CAPN14: variants seen among roughly 807,000 people sequenced by gnomAD.
CAPN14 encodes the protein calpain-14.
Under a neutral mutation model 101.3 loss-of-function variants are expected in CAPN14, and 94 were observed. That is an observed-to-expected ratio of 0.93 (90% CI 0.79 to 1.10). The LOEUF (loss-of-function observed/expected upper bound fraction) is 1.10, where lower values mean the gene tolerates loss of function less well. Ranked by LOEUF, CAPN14 falls within the 50% of genes least tolerant of loss-of-function variation. CAPN14 has a pLI of 0.00. For synonymous variants in CAPN14, 338 were observed against 317.9 expected, an observed-to-expected ratio of 1.06 and a Z score of -0.67; for missense variants, 837 against 828.4, an observed-to-expected ratio of 1.01 and a Z score of -0.13.
intron 5 of CAPN14, 116 bp downstream of exon 5, chr2:31,201,745 TA>T: frequency 7.5e-7 from 1 of 1,329,050 alleles, no homozygotes; most frequent in Non-Finnish European, 1.0e-6. Flanking sequence ...CTATGTTGGC[TA>T]AGACATGCCT....
chr2:31,210,636 A>G (rs1395350071), intron 1 of CAPN14, among the ~76,000 whole-genome samples: 2 of 152,226 alleles, frequency 1.3e-5, no homozygotes, highest in Non-Finnish European at 2.9e-5. Flanking sequence ...AAGGGAAAGA[A>G]AGGAAATATA....
upstream of CAPN14, among the ~76,000 whole-genome samples, chr2:31,219,203 G>A (rs73921598): frequency 3.1e-3 from 474 of 152,246 alleles, 1 homozygote; most frequent in African/African-American, 0.011. Context: ...CAGAGCCACC[G>A]AGACGCATAG....
At chr2:31,187,538 G>C (rs1309359529) in intron 15 of CAPN14, among the ~76,000 whole-genome samples, 1 of 152,086 alleles carries the variant, frequency 6.6e-6, no homozygotes, top group Non-Finnish European at 1.5e-5. Flanking sequence ...GAGCGTCCAA[G>C]AACAGAGAAT....
intron 17 of CAPN14, among the ~76,000 whole-genome samples, chr2:31,179,062 A>C (rs7590940): frequency 1.6e-5 from 1 of 62,212 alleles, no homozygotes; most frequent in Admixed American, 2.1e-4. Flanking sequence ...ATTGAGTTCT[A>C]TATATATATA....
upstream of CAPN14, among the ~76,000 whole-genome samples, chr2:31,218,742 G>A (rs1269069074): frequency 6.6e-6 from 1 of 152,206 alleles, no homozygotes. Context: ...AAACAGCAGA[G>A]ATGGGGCTAA....
At chr2:31,227,629 C>T (rs1054903301) in intron 1 of CAPN14, among the ~76,000 whole-genome samples, 1 of 152,158 alleles carries the variant, frequency 6.6e-6, no homozygotes, top group Admixed American at 6.6e-5. Context: ...GTCATTGGCA[C>T]TTTTCTGCCT....
chr2:31,199,551 T>C lies in CAPN14; in HGVS notation c.727-19A>G. ...TCTTCTCCTGCAGAGACAAGAGAGG[T>C]CCTGATCAGTCTTCTGTTATGTACA... On this transcript the variant is annotated intron_variant, in intron 6 of 21. Transcript: ENST00000403897. 2 of 1,546,146 alleles carry C rather than the reference T, an allele frequency of 1.3e-6. No individual in the cohort carries two copies. The highest frequency in any genetic ancestry group is 1.8e-6 in the Non-Finnish European group (2 of 1,142,462).
upstream of CAPN14, among the ~76,000 whole-genome samples, chr2:31,219,685 G>A (rs148586041): frequency 6.6e-6 from 1 of 152,264 alleles, no homozygotes; most frequent in African/African-American, 2.4e-5. Context: ...GTGGCACAGT[G>A]GAGTATTGGA....
chr2:31,182,494 A>G (rs539233158), intron 16 of CAPN14, among the ~76,000 whole-genome samples: 37 of 130,724 alleles, frequency 2.8e-4, no homozygotes, highest in Middle Eastern at 3.6e-3. Flanking sequence ...AAGTCTCAGC[A>G]TACAAAATCA....
At chr2:31,214,252 C>G (rs548371583) in intron 1 of CAPN14, among the ~76,000 whole-genome samples, 1 of 152,262 alleles carries the variant, frequency 6.6e-6, no homozygotes, top group Admixed American at 6.5e-5. Flanking sequence ...AGCGTGCCCT[C>G]CCCTCCCCTC....
intron 1 of CAPN14, among the ~76,000 whole-genome samples, chr2:31,231,887 T>C (rs568983229): frequency 1.3e-5 from 2 of 152,340 alleles, no homozygotes; most frequent in African/African-American, 2.4e-5. Flanking sequence ...TTGATTCTCA[T>C]GCCTTGTGAG....
intron 7 of CAPN14, 30 bp from the exon 8 acceptor site, chr2:31,197,364 C>T: frequency 6.9e-7 from 1 of 1,457,634 alleles, no homozygotes; most frequent in South Asian, 1.2e-5. Context: ...GTTTAGGTGA[C>T]TGGGCTGAGT....
At chr2:31,192,536 C>T (rs1172296457) in intron 10 of CAPN14, among the ~76,000 whole-genome samples, 2 of 152,192 alleles carry the variant, frequency 1.3e-5, no homozygotes, top group Non-Finnish European at 2.9e-5. Flanking sequence ...TAAGGCCATC[C>T]TGGCCTGCTG....
chr2:31,190,188 C>G (rs933377698), intron 12 of CAPN14, among the ~76,000 whole-genome samples: 8 of 149,626 alleles, frequency 5.3e-5, no homozygotes, highest in African/African-American at 1.5e-4. Flanking sequence ...GTTTCTCCAT[C>G]TCTCCCTATT....
chr2:31,187,804 T>C lies in CAPN14; in HGVS notation c.1541A>G (p.Asp514Gly), dbSNP rs1572399682. ...SGVVFSKEIE[D>G]QNERQDEFFT... The stretch of plus-strand genomic sequence containing the variant: ...GAATTCATCCTGCCTTTCATTTTGG[T>C]CTTCTATCTCCTATAGGAAGAGACA... Residue 514 changes from aspartate to glycine, a missense_variant, in exon 15 of 22, where the codon GAC becomes GGC. Transcript: ENST00000403897. 1.3e-6 allele frequency: 2 copies of C among 1,551,134 alleles called. No homozygotes were observed. The highest frequency in any genetic ancestry group is 8.7e-7 in the Non-Finnish European group (1 of 1,146,254).
At position 31,189,340 on chromosome 2, in the gene CAPN14, A is replaced by G; in HGVS notation, c.1426T>C (p.Cys476Arg). Residue 476 changes from cysteine (C) to arginine (R), a missense_variant, in exon 13 of 22, where the codon TGC (cysteine) becomes CGC (arginine). Coordinates refer to ENST00000403897, the MANE Select transcript of CAPN14 (RefSeq NM_001145122.2). ...LEPGTYLIVPCILEAHQKSEF... is the reference protein window; with the variant it reads ...LEPGTYLIVPRILEAHQKSEF... ...GACTTCTGGTGGGCCTCCAATATGC[A>G]GGGCACGATGAGGTACGTCCCTGGT... 1 of 1,551,764 alleles carries G rather than the reference A, an allele frequency of 6.4e-7. No homozygotes were observed. The highest frequency in any genetic ancestry group is 8.7e-7 in the Non-Finnish European group (1 of 1,147,012).
At chr2:31,193,967 T>C (rs1297615773) in intron 9 of CAPN14, among the ~76,000 whole-genome samples, 1 of 151,996 alleles carries the variant, frequency 6.6e-6, no homozygotes, top group Non-Finnish European at 1.5e-5. Context: ...CAGGATGTCT[T>C]GGTGGCCTTT....
intron 12 of CAPN14, among the ~76,000 whole-genome samples, chr2:31,190,196 AT>A (rs1681110557): frequency 7.4e-6 from 1 of 135,856 alleles, no homozygotes; most frequent in Admixed American, 7.5e-5. Flanking sequence ...ATCTCTCCCT[AT>A]TTTTCTCTCT....
intron 11 of CAPN14, 86 bp from the exon 12 acceptor site, chr2:31,191,493 C>T (rs920789456): frequency 1.5e-5 from 20 of 1,339,502 alleles, no homozygotes; most frequent in African/African-American, 3.0e-5. Context: ...CTTTCATAAA[C>T]CGAAACCCGA....
Sources: gnomAD v4.1 joint callset for allele counts (sites outside exome capture counted in the v4.1 genomes callset) on GRCh38, gnomAD v4.1.1 for gene constraint, MANE v1.5 for transcripts, NCBI Gene and HGNC (gene_info 2026-07-23, HGNC 2026-07-21) for gene names.